The following INPP5A variants were observed in gnomAD, a reference collection of about 807,000 sequenced individuals.
The protein encoded by INPP5A is inositol polyphosphate-5-phosphatase A, also known as 43 kDa inositol polyphosphate 5-phophatase.
Under a neutral mutation model 65.2 loss-of-function variants are expected in INPP5A, and 14 were observed. The ratio of observed to expected loss-of-function variants is 0.21; its 90% CI spans 0.14 to 0.34. The LOEUF is 0.34. Ranked by LOEUF, INPP5A falls within the 10% of genes least tolerant of loss-of-function variation. The pLI is 1.00. For synonymous variants in INPP5A, 207 were observed against 208.3 expected (o/e 0.99, Z 0.05); for missense variants, 431 against 545.6 (o/e 0.79, Z 2.09).
chr10:132,731,451 C>G (rs1298405528), intron 9 of INPP5A, among the ~76,000 whole-genome samples: 2 of 151,138 alleles, frequency 1.3e-5, no homozygotes, highest in Non-Finnish European at 3.0e-5. Context: ...GACCGCGTCC[C>G]TGCCCCATAT....
rs2071050872 is a variant in INPP5A, at chr10:132,551,626, A to G, written c.75+13455A>G. On this transcript the variant is annotated intron_variant, in intron 1 of 15. Coordinates refer to ENST00000368594, the MANE Select transcript of INPP5A (RefSeq NM_005539.5). This position sits in a 1 kb window ranked among gnomAD's most constrained non-coding sequence, Gnocchi z 5.3. ...GTTACGGTTTTTCAGAGCTGTTGCA[A>G]CTTCCTGTTTGCTGTAACGGCTGTG... Among the ~76,000 whole-genome samples, 1 of 152,188 alleles carries G rather than the reference A, an allele frequency of 6.6e-6. No homozygotes were observed.
At position 132,637,185 on chromosome 10, in the gene INPP5A, AGTG is replaced by A. The variant is rs1330677550; in HGVS notation, c.118-8678_118-8676del. On this transcript the variant is annotated intron_variant, in intron 2 of 15. Coordinates refer to ENST00000368594, the MANE Select transcript of INPP5A (RefSeq NM_005539.5). This position sits in a 1 kb window ranked among gnomAD's most constrained non-coding sequence, Gnocchi z 4.1. ...TCCGCCCGCTGCCTCGGCCTCCCAA[AGTG>A]GTGGGATTACAGGCGTGAGCCACCT... 6.6e-6 allele frequency among the ~76,000 whole-genome samples: 1 copy of A among 152,178 alleles called. No individual in the cohort carries two copies. Among genetic ancestry groups the A allele is most frequent in the Middle Eastern group, 3.2e-3 (1 of 316 alleles).
In INPP5A at chr10:132,636,799, C is replaced by T. The variant is rs556319295; in HGVS notation, c.118-9069C>T. 2.0e-5 allele frequency among the ~76,000 whole-genome samples: 3 copies of T among 152,304 alleles called. No individual in the cohort carries two copies. In the South Asian group the frequency reaches 6.2e-4, roughly 32 times the overall value. ...AAGGATGCTTTGCTGGATAAATCGC[C>T]CTTGGTTCAGGCCTCATTTCACTGA... is the stretch of plus-strand genomic sequence containing the variant. On this transcript the variant is annotated intron_variant, in intron 2 of 15. Coordinates refer to ENST00000368594, the MANE Select transcript of INPP5A (RefSeq NM_005539.5).
chr10:132,783,068 A>G lies in INPP5A; in HGVS notation c.*1039A>G, dbSNP rs1847195272. ...TATATAAAAATATTAAAGAGAAACA[A>G]AACTGTACATTTCCTCATTGCTCCG... On this transcript the variant is annotated 3_prime_UTR_variant, in exon 16 of 16. Transcript: ENST00000368594. 1 of 152,448 alleles carries G rather than the reference A, an allele frequency of 6.6e-6. No individual in the cohort carries two copies. Among genetic ancestry groups the G allele is most frequent in the Non-Finnish European group, 1.5e-5 (1 of 68,052 alleles). 9.4% of individuals were successfully genotyped at this position (152,448 alleles called of 1,614,324 possible). A position where few individuals can be genotyped will look rare whatever the true frequency, so the allele number is the denominator to read the frequency against.
chr10:132,614,190 G>A (rs1465680741), intron 2 of INPP5A, among the ~76,000 whole-genome samples: 2 of 152,228 alleles, frequency 1.3e-5, no homozygotes, highest in Non-Finnish European at 2.9e-5. Flanking sequence ...AGCCTGGACG[G>A]CACGATGGCT....
intron 4 of INPP5A, among the ~76,000 whole-genome samples, chr10:132,661,806 A>G (rs1032187272): frequency 1.3e-5 from 2 of 152,224 alleles, no homozygotes; most frequent in Non-Finnish European, 2.9e-5. Context: ...TAATTAAATC[A>G]GTATAGTATT....
chr10:132,770,770 C>T lies in INPP5A; in HGVS notation c.977+4924C>T, dbSNP rs542726560. On this transcript the variant is annotated intron_variant, in intron 12 of 15. Coordinates refer to ENST00000368594, the MANE Select transcript of INPP5A (RefSeq NM_005539.5). Reference sequence around the variant, plus strand: ...ACCCATGCACGGGGAGGTCTCCTTCCGCCAGGGCGTGATCTGGGAGCCGCA... The same window carrying T: ...ACCCATGCACGGGGAGGTCTCCTTCTGCCAGGGCGTGATCTGGGAGCCGCA... Among the ~76,000 whole-genome samples the T allele has an allele frequency of 3.3e-5, 5 of 152,368 alleles. No individual in the cohort carries two copies. The East Asian group carries it at 5.8e-4, about 18-fold the overall frequency.
At chr10:132,625,864 GTGTGTGTGTGTGTT>G (rs1476408312) in intron 2 of INPP5A, among the ~76,000 whole-genome samples, 56 of 151,724 alleles carry the variant, frequency 3.7e-4, no homozygotes, top group African/African-American at 1.3e-3. Context: ...GTGTGTGTGT[GTGTGTGTGTGTGTT>G]TGTGTGTGTG....
chr10:132,624,020 A>G (rs1415441621), intron 2 of INPP5A, among the ~76,000 whole-genome samples: 1 of 152,178 alleles, frequency 6.6e-6, no homozygotes, highest in African/African-American at 2.4e-5. Context: ...GACAATACTC[A>G]GTGTTGATGA....
intron 1 of INPP5A, among the ~76,000 whole-genome samples, chr10:132,540,887 C>T (rs2070897911): frequency 6.6e-6 from 1 of 152,210 alleles, no homozygotes. Context: ...AGCAGATATC[C>T]CGGACTGTGG....
At chr10:132,624,440 G>A (rs141244453) in intron 2 of INPP5A, among the ~76,000 whole-genome samples, 4 of 150,824 alleles carry the variant, frequency 2.7e-5, no homozygotes, top group African/African-American at 5.0e-5. Flanking sequence ...ACCTCACACC[G>A]GCACGTGCAC....
intron 1 of INPP5A, among the ~76,000 whole-genome samples, chr10:132,572,195 G>A (rs889609611): frequency 2.0e-5 from 3 of 152,264 alleles, no homozygotes; most frequent in African/African-American, 4.8e-5. Flanking sequence ...GAGGCTGGCC[G>A]GAGGGACCAT....
intron 11 of INPP5A, among the ~76,000 whole-genome samples, chr10:132,761,188 G>A (rs1388783060): frequency 2.0e-5 from 3 of 152,208 alleles, no homozygotes; most frequent in Admixed American, 6.5e-5. Flanking sequence ...GGGTGGCACG[G>A]GCCCCTGAGA....
intron 9 of INPP5A, among the ~76,000 whole-genome samples, chr10:132,739,899 G>A (rs981098466): frequency 6.6e-6 from 1 of 152,220 alleles, no homozygotes; most frequent in South Asian, 2.1e-4. Context: ...TGTTTGATGA[G>A]CACTGACGTT....
At chr10:132,710,554 T>TG in intron 8 of INPP5A, 98 bp downstream of exon 8, 1 of 1,500,002 alleles carries the variant, frequency 6.7e-7, no homozygotes, top group South Asian at 1.2e-5. Flanking sequence ...CAAGTAGGTA[T>TG]GCTGGGCAGG....
In INPP5A at chr10:132,610,871, G is replaced by A. The variant is rs191384859; in HGVS notation, c.117+2915G>A. Among the ~76,000 whole-genome samples, 9 of 152,386 alleles carry A rather than the reference G, an allele frequency of 5.9e-5. No homozygotes were observed. In the East Asian group the frequency reaches 1.5e-3, roughly 26 times the overall value. ...GGATGAGGATGTAGGCAGATCGCTT[G>A]GAGAACAGCTGAGGCCTGAACAGGA... On this transcript the variant is annotated intron_variant, in intron 2 of 15. Transcript: ENST00000368594.
At chr10:132,543,238 C>T (rs1007577615) in intron 1 of INPP5A, among the ~76,000 whole-genome samples, 4 of 152,004 alleles carry the variant, frequency 2.6e-5, no homozygotes, top group South Asian at 2.1e-4. Context: ...CCAAGCCCCA[C>T]GTCCCCCAGC....
intron 4 of INPP5A, among the ~76,000 whole-genome samples, chr10:132,669,828 C>G (rs2072859286): frequency 6.6e-6 from 1 of 151,954 alleles, no homozygotes; most frequent in Non-Finnish European, 1.5e-5. Context: ...TCCCGTGTCC[C>G]TGTCCCCACT....
At chr10:132,699,945 G>A (rs1323129903) in intron 6 of INPP5A, among the ~76,000 whole-genome samples, 1 of 152,198 alleles carries the variant, frequency 6.6e-6, no homozygotes. Context: ...TTTGAAGGGT[G>A]GGTGCCCTGG....
Sources: gnomAD v4.1 joint callset for allele counts (sites outside exome capture counted in the v4.1 genomes callset) on GRCh38, gnomAD v4.1.1 for gene constraint, Gnocchi (gnomAD v3.1) non-coding constraint, MANE v1.5 for transcripts, NCBI Gene and HGNC (gene_info 2026-07-23, HGNC 2026-07-21) for gene names.